Variants in CAMTA1 observed in about 807,000 individuals in gnomAD.
CAMTA1 encodes the protein calmodulin binding transcription activator 1.
In CAMTA1, 27 loss-of-function variants were observed where a neutral mutation model predicts 170.9. That is an observed-to-expected ratio of 0.16 (90% CI 0.12 to 0.22). The LOEUF (loss-of-function observed/expected upper bound fraction) is 0.22. Ranked by LOEUF, CAMTA1 falls within the 10% of genes least tolerant of loss-of-function variation. The pLI, the probability that CAMTA1 is intolerant of heterozygous loss-of-function variation, is 1.00. For synonymous variants in CAMTA1, 833 were observed against 891.5 expected, an observed-to-expected ratio of 0.93 and a Z score of 1.17; for missense variants, 1,619 against 2,217.2, an observed-to-expected ratio of 0.73 and a Z score of 5.42.
chr1:7,707,515 A>G (rs556687048), intron 11 of CAMTA1, among the ~76,000 whole-genome samples: 7 of 152,156 alleles, frequency 4.6e-5, no homozygotes, highest in African/African-American at 1.4e-4. Flanking sequence ...AGCTGGGACT[A>G]CAGGTACACA....
chr1:7,492,586 TACAC>T (rs1346315003), intron 6 of CAMTA1, among the ~76,000 whole-genome samples: 1 of 143,214 alleles, frequency 7.0e-6, no homozygotes, highest in Admixed American at 6.8e-5. Flanking sequence ...CAAACCTACA[TACAC>T]ACACGCGTGC....
At chr1:6,930,195 G>A (rs1270712182) in intron 3 of CAMTA1, among the ~76,000 whole-genome samples, 1 of 152,122 alleles carries the variant, frequency 6.6e-6, no homozygotes, top group Non-Finnish European at 1.5e-5. Flanking sequence ...TGCAGGACTG[G>A]CCTTGCCTCT....
At chr1:6,958,217 C>T (rs959128820) in intron 3 of CAMTA1, among the ~76,000 whole-genome samples, 2 of 152,152 alleles carry the variant, frequency 1.3e-5, no homozygotes, top group Non-Finnish European at 2.9e-5. Flanking sequence ...AGGTGCAAAT[C>T]GGGAAGCCTG....
chr1:7,492,720 AAC>A (rs1247231240), intron 6 of CAMTA1, among the ~76,000 whole-genome samples: 39 of 139,080 alleles, frequency 2.8e-4, no homozygotes, highest in African/African-American at 8.2e-4. Flanking sequence ...CACACACACA[AAC>A]ACAAACCTAC....
chr1:7,191,764 G>A (rs1654569262), intron 4 of CAMTA1, among the ~76,000 whole-genome samples: 1 of 152,218 alleles, frequency 6.6e-6, no homozygotes, highest in Admixed American at 6.5e-5. Context: ...GTCATCGACA[G>A]TTTCTGCACT....
Position 7,014,617 on chromosome 1 carries a change from G to C in CAMTA1, c.235-76687G>C, listed in dbSNP as rs1700273462. Among the ~76,000 whole-genome samples, 1 of 152,190 alleles carries C rather than the reference G, an allele frequency of 6.6e-6. No homozygotes were observed. Among genetic ancestry groups the C allele is most frequent in the Admixed American group, 6.5e-5 (1 of 15,278 alleles). ...AGGCAGCAAAACAGCGTGCGAGCTT[G>C]GTCCCTTAACACGGAGTCTGGAATT... On this transcript the variant is annotated intron_variant, in intron 3 of 22. Transcript: ENST00000303635. The surrounding 1 kb of genome is among the most constrained non-coding windows in gnomAD (Gnocchi z 4.2).
intron 5 of CAMTA1, among the ~76,000 whole-genome samples, chr1:7,371,952 A>G (rs1300383528): frequency 6.6e-6 from 1 of 152,208 alleles, no homozygotes; most frequent in East Asian, 1.9e-4. Flanking sequence ...ACAACTGGCC[A>G]GTGGCTGAGA....
chr1:7,063,499 G>A lies in CAMTA1; in HGVS notation c.235-27805G>A, dbSNP rs1474763599. ...GCTGCATTGCAGATTGGAGGCAGGG[G>A]CAGACTACCTTCTAGACAGAACTTT... On this transcript the variant is annotated intron_variant, in intron 3 of 22. Transcript: ENST00000303635. This position sits in a 1 kb window ranked among gnomAD's most constrained non-coding sequence, Gnocchi z 4.3. 6.6e-6 allele frequency among the ~76,000 whole-genome samples: 1 copy of A among 152,202 alleles called. No homozygotes were observed. The highest frequency in any genetic ancestry group is 1.5e-5 in the Non-Finnish European group (1 of 68,040).
intron 6 of CAMTA1, among the ~76,000 whole-genome samples, chr1:7,492,170 G>C (rs1387604101): frequency 1.3e-5 from 2 of 152,174 alleles, no homozygotes; most frequent in African/African-American, 4.8e-5. Flanking sequence ...GTCCTCCTTG[G>C]TAGAGCGTCT....
chr1:7,243,250 A>G (rs1665211642), intron 4 of CAMTA1, among the ~76,000 whole-genome samples: 1 of 152,230 alleles, frequency 6.6e-6, no homozygotes. Context: ...AATAAACTTT[A>G]CAATAAAATG....
At chr1:7,692,656 C>T (rs192547377) in intron 11 of CAMTA1, among the ~76,000 whole-genome samples, 3 of 152,304 alleles carry the variant, frequency 2.0e-5, no homozygotes, top group Admixed American at 1.3e-4. Context: ...AGGCCCCAGG[C>T]CTGGTGCTTC....
chr1:7,507,004 TA>T (rs1195124268), intron 6 of CAMTA1, among the ~76,000 whole-genome samples: 1 of 149,086 alleles, frequency 6.7e-6, no homozygotes, highest in East Asian at 1.9e-4. Context: ...AAATTCACAC[TA>T]ACATCTCATG....
intron 12 of CAMTA1, among the ~76,000 whole-genome samples, chr1:7,734,610 T>G (rs548382208): frequency 2.0e-5 from 3 of 152,266 alleles, no homozygotes; most frequent in Admixed American, 2.0e-4. Context: ...GTCTTGTGTG[T>G]GTAGAATGGC....
At chr1:7,335,736 CCAGT>C (rs1376326182) in intron 5 of CAMTA1, among the ~76,000 whole-genome samples, 17 of 150,434 alleles carry the variant, frequency 1.1e-4, no homozygotes, top group Admixed American at 4.6e-4. Context: ...AGGAATTTTG[CCAGT>C]CAGTGGAGGT....
intron 4 of CAMTA1, among the ~76,000 whole-genome samples, chr1:7,149,258 TTTTTGCTTCTGAGCACATGGGCC>T (rs1264420754): frequency 2.0e-5 from 3 of 152,070 alleles, no homozygotes; most frequent in African/African-American, 7.2e-5. Flanking sequence ...AAGGACAGGG[TTTTTGCTTCTGAGCACATGGGCC>T]TTTTGCTTCT....
At chr1:7,543,858 A>G (rs1345497289) in intron 6 of CAMTA1, among the ~76,000 whole-genome samples, 2 of 151,100 alleles carry the variant, frequency 1.3e-5, no homozygotes, top group East Asian at 3.9e-4. Flanking sequence ...TTTTCTGAAC[A>G]GGAAAAGGGT....
chr1:7,454,351 G>A (rs1004336369), intron 5 of CAMTA1, among the ~76,000 whole-genome samples: 6 of 152,226 alleles, frequency 3.9e-5, no homozygotes, highest in African/African-American at 1.4e-4. Flanking sequence ...GGGAAACTGA[G>A]GAGGTTTGTG....
intron 3 of CAMTA1, among the ~76,000 whole-genome samples, chr1:7,084,028 A>G (rs1033791194): frequency 6.6e-6 from 1 of 151,586 alleles, no homozygotes; most frequent in African/African-American, 2.4e-5. Context: ...CTTATGCAGA[A>G]CTCTCATAAA....
chr1:7,681,255 A>G lies in CAMTA1; in HGVS notation c.2914+3522A>G, dbSNP rs1284852632. Reference sequence around the variant, plus strand: ...GTGGGCTGCAGTACATATTTGTGATATGAATGCAGGCACACGTGAATGAGT... The same window carrying G: ...GTGGGCTGCAGTACATATTTGTGATGTGAATGCAGGCACACGTGAATGAGT... On this transcript the variant is annotated intron_variant, in intron 11 of 22. Transcript: ENST00000303635. This position sits in a 1 kb window ranked among gnomAD's most constrained non-coding sequence, Gnocchi z 4.6. 1.3e-5 allele frequency among the ~76,000 whole-genome samples: 2 copies of G among 152,170 alleles called. No homozygotes were observed. Among genetic ancestry groups the G allele is most frequent in the African/African-American group, 2.4e-5 (1 of 41,444 alleles).
Sources: gnomAD v4.1 joint callset for allele counts (sites outside exome capture counted in the v4.1 genomes callset) on GRCh38, gnomAD v4.1.1 for gene constraint, Gnocchi (gnomAD v3.1) non-coding constraint, MANE v1.5 for transcripts, NCBI Gene and HGNC (gene_info 2026-07-23, HGNC 2026-07-21) for gene names.